ERBB4: variants seen among roughly 807,000 people sequenced by gnomAD.
ERBB4 encodes erb-b2 receptor tyrosine kinase 4, also known as receptor tyrosine-protein kinase erbB-4.
ERBB4 carries 42 observed loss-of-function variants against 158.0 expected under a neutral mutation model. That is an observed-to-expected ratio of 0.27 (90% CI 0.21 to 0.34). The LOEUF (loss-of-function observed/expected upper bound fraction) is 0.34, where lower values mean the gene tolerates loss of function less well. Among genes scored for constraint, ERBB4 ranks in the 10% least tolerant of loss-of-function variants. The pLI is 1.00. For missense variants in ERBB4, 1,333 were observed against 1,624.1 expected, an observed-to-expected ratio of 0.82 and a Z score of 3.08; for synonymous variants, 583 against 558.7, an observed-to-expected ratio of 1.04 and a Z score of -0.61.
chr2:211,657,849 G>C (rs1055099211), intron 15 of ERBB4, 21 bp from the exon 16 acceptor site: 1 of 1,611,714 alleles, frequency 6.2e-7, no homozygotes, highest in Non-Finnish European at 8.5e-7. Context: ...TTACAGAACA[G>C]AAAACATCAT....
intron 3 of ERBB4, among the ~76,000 whole-genome samples, chr2:211,933,871 T>C (rs1277276197): frequency 6.6e-6 from 1 of 152,014 alleles, no homozygotes; most frequent in African/African-American, 2.4e-5. Flanking sequence ...ATTTCCAAAA[T>C]ATGTGCTAAA....
chr2:211,887,201 T>C (rs2078825640), intron 3 of ERBB4, among the ~76,000 whole-genome samples: 1 of 151,430 alleles, frequency 6.6e-6, no homozygotes, highest in Admixed American at 6.6e-5. Context: ...AGAGCTAATA[T>C]GAAACATCCT....
At chr2:211,634,756 C>A (rs966573536) in intron 16 of ERBB4, among the ~76,000 whole-genome samples, 2 of 152,126 alleles carry the variant, frequency 1.3e-5, no homozygotes, top group African/African-American at 4.8e-5. Context: ...TGGCTCACAG[C>A]AACCTCCACC....
intron 4 of ERBB4, among the ~76,000 whole-genome samples, chr2:211,753,854 A>ATTTT (rs1047804300): frequency 1.8e-3 from 219 of 121,286 alleles, no homozygotes; most frequent in Non-Finnish European, 2.4e-3. Flanking sequence ...AAAAGTCCTG[A>ATTTT]TTTTTTTTTT....
chr2:212,513,301 AAAGAC>A (rs1189395056), intron 1 of ERBB4, among the ~76,000 whole-genome samples: 1 of 152,256 alleles, frequency 6.6e-6, no homozygotes, highest in African/African-American at 2.4e-5. Context: ...ATGGAATACT[AAAGAC>A]AAATCTCCTA....
chr2:211,603,155 C>T (rs1028396071), intron 19 of ERBB4, among the ~76,000 whole-genome samples: 4 of 152,078 alleles, frequency 2.6e-5, no homozygotes, highest in African/African-American at 9.7e-5. Context: ...CGCTTGAACC[C>T]GGGAGGCGGA....
intron 12 of ERBB4, among the ~76,000 whole-genome samples, chr2:211,691,598 GTGTGTA>G (rs1188270861): frequency 2.7e-4 from 39 of 143,920 alleles, no homozygotes; most frequent in Admixed American, 8.2e-4. Flanking sequence ...GTGTGTGTGT[GTGTGTA>G]TATATATAAC....
rs181273897 is a variant in ERBB4 at position 212,275,221 on chromosome 2, C to T, written c.83-150318G>A. ...AAGTCTTTGCTATTGTGAACAGTGCCGCAATAAACATACGTGTGTATGTCT... is the reference window on the plus strand; with the variant it reads ...AAGTCTTTGCTATTGTGAACAGTGCTGCAATAAACATACGTGTGTATGTCT... On this transcript the variant is annotated intron_variant, in intron 1 of 27. Transcript: ENST00000342788. Among the ~76,000 whole-genome samples the T allele has an allele frequency of 1.6e-4, 24 of 151,886 alleles. No individual in the cohort carries two copies. The East Asian group carries it at 1.8e-3, about 11-fold the overall frequency.
intron 20 of ERBB4, among the ~76,000 whole-genome samples, chr2:211,502,653 CAT>C (rs1362864429): frequency 6.6e-6 from 1 of 151,928 alleles, no homozygotes; most frequent in African/African-American, 2.4e-5. Context: ...ATCTAGAAAC[CAT>C]AATTAGATTC....
In ERBB4 at chr2:211,781,924, T is replaced by C. The variant is rs2106302859; in HGVS notation, c.556+6101A>G. ...TTGGTGCCCAGTCAATGCACTGCAG[T>C]CTCTAAGGGGGTTGCAGTAAGACAC... On this transcript the variant is annotated intron_variant, in intron 4 of 27. Transcript: ENST00000342788. Among the ~76,000 whole-genome samples the C allele has an allele frequency of 1.3e-5, 2 of 152,226 alleles. 1 individual carries two copies. Among genetic ancestry groups the C allele is most frequent in the Non-Finnish European group, 2.9e-5 (2 of 68,010 alleles).
chr2:212,079,376 A>G (rs2078367871), intron 2 of ERBB4, among the ~76,000 whole-genome samples: 1 of 152,100 alleles, frequency 6.6e-6, no homozygotes, highest in Non-Finnish European at 1.5e-5. Context: ...TAGCTAAAAC[A>G]AAAGAACAAA....
intron 1 of ERBB4, among the ~76,000 whole-genome samples, chr2:212,198,629 C>A (rs2082499170): frequency 6.6e-6 from 1 of 151,848 alleles, no homozygotes; most frequent in Non-Finnish European, 1.5e-5. Flanking sequence ...GGCTGGAATG[C>A]AGTGGTGGGA....
chr2:211,835,621 T>G (rs1363658267), intron 3 of ERBB4, among the ~76,000 whole-genome samples: 1 of 152,102 alleles, frequency 6.6e-6, no homozygotes, highest in African/African-American at 2.4e-5. Context: ...AAACATTTAA[T>G]GAAAAACATC....
At chr2:212,004,127 C>G (rs1390781956) in intron 2 of ERBB4, among the ~76,000 whole-genome samples, 1 of 151,920 alleles carries the variant, frequency 6.6e-6, no homozygotes. Flanking sequence ...ATAAAATAAA[C>G]TATGGGAAAT....
At chr2:211,851,415 G>A (rs955212915) in intron 3 of ERBB4, among the ~76,000 whole-genome samples, 1 of 151,934 alleles carries the variant, frequency 6.6e-6, no homozygotes, top group Middle Eastern at 3.4e-3. Flanking sequence ...AATATAACTA[G>A]GTCAAAATAT....
rs1177583837 is a variant in ERBB4, at chr2:211,382,164, CT to C, written c.*1450del. On this transcript the variant is annotated 3_prime_UTR_variant, in exon 28 of 28. Transcript: ENST00000342788. ...CTAAGCTTTGAATGTTTGTGTTTTT[CT>C]TTTTATTATACCAATTTATGTGCAA... The C allele has an allele frequency of 2.6e-5, 6 of 231,052 alleles. No homozygotes were observed. The highest frequency in any genetic ancestry group is 5.1e-5 in the Non-Finnish European group (6 of 116,766). 14.3% of individuals were successfully genotyped at this position (231,052 alleles called of 1,614,324 possible). A position where few individuals can be genotyped will look rare whatever the true frequency, so the allele number is the denominator to read the frequency against.
chr2:211,523,900 G>A (rs1362077147), intron 20 of ERBB4, among the ~76,000 whole-genome samples: 1 of 152,028 alleles, frequency 6.6e-6, no homozygotes, highest in Non-Finnish European at 1.5e-5. Flanking sequence ...GTTTTGACAG[G>A]GTGCTGATTG....
At chr2:211,893,297 C>G (rs1458169776) in intron 3 of ERBB4, among the ~76,000 whole-genome samples, 2 of 144,580 alleles carry the variant, frequency 1.4e-5, no homozygotes, top group Non-Finnish European at 1.5e-5. Flanking sequence ...CTGAGAAAAA[C>G]AAGCAAGGGG....
chr2:211,927,298 ATT>A (rs2080042101), intron 3 of ERBB4, among the ~76,000 whole-genome samples: 1 of 152,190 alleles, frequency 6.6e-6, no homozygotes, highest in Admixed American at 6.6e-5. Flanking sequence ...GGCCATAGAT[ATT>A]TTGTCATTAA....
Sources: allele counts gnomAD v4.1 joint callset (sites outside exome capture counted in the v4.1 genomes callset), GRCh38; gene constraint gnomAD v4.1.1; transcripts MANE v1.5; gene names NCBI Gene and HGNC (gene_info 2026-07-23, HGNC 2026-07-21).